IQSEC3: variants seen among roughly 807,000 people sequenced by gnomAD.
IQSEC3 encodes the protein IQ motif and Sec7 domain ArfGEF 3.
Under a neutral mutation model 105.4 loss-of-function variants are expected in IQSEC3, and 50 were observed. That is an observed-to-expected ratio of 0.47 (90% CI 0.38 to 0.60). IQSEC3 has a LOEUF of 0.60. Ranked by LOEUF, IQSEC3 falls within the 20% of genes least tolerant of loss-of-function variation. The pLI is 0.00. For missense variants in IQSEC3, 1,415 were observed against 1,630.0 expected (o/e 0.87, Z 2.27); for synonymous variants, 708 against 746.0 (o/e 0.95, Z 0.83).
intron 1 of IQSEC3, among the ~76,000 whole-genome samples, chr12:69,494 G>A (rs1446197713): frequency 6.6e-6 from 1 of 152,250 alleles, no homozygotes; most frequent in African/African-American, 2.4e-5. Flanking sequence ...TAATTAGCAT[G>A]GTGGAGCAGA....
intron 2 of IQSEC3, among the ~76,000 whole-genome samples, chr12:117,348 G>A (rs1865080185): frequency 6.6e-6 from 1 of 152,226 alleles, no homozygotes; most frequent in Non-Finnish European, 1.5e-5. Context: ...ATTGCCACCA[G>A]AGCCATGCCT....
In IQSEC3 at chr12:152,769, G is replaced by C. The variant is rs781915001; in HGVS notation, c.2154-4256G>C. Among the ~76,000 whole-genome samples the C allele has an allele frequency of 2.6e-5, 4 of 152,202 alleles. No individual in the cohort carries two copies. The highest frequency in any genetic ancestry group is 5.9e-5 in the Non-Finnish European group (4 of 68,038). On this transcript the variant is annotated intron_variant, in intron 5 of 13. Transcript: ENST00000538872. The surrounding 1 kb of genome is among the most constrained non-coding windows in gnomAD (Gnocchi z 4.8). ...GGGAGAGGCCTCACAAGATTAGGAAGCTGAAAGCCTGCTCTCCCTAGCTGT... is the reference window on the plus strand; with the variant it reads ...GGGAGAGGCCTCACAAGATTAGGAACCTGAAAGCCTGCTCTCCCTAGCTGT...
Position 135,766 on chromosome 12 carries a change from AC to A in IQSEC3, c.904-2499del, listed in dbSNP as rs1865743743. Among the ~76,000 whole-genome samples, 5 of 152,328 alleles carry A rather than the reference AC, an allele frequency of 3.3e-5. No homozygotes were observed. In the South Asian group the frequency reaches 8.3e-4, roughly 25 times the overall value. Reference sequence around the variant, plus strand: ...GCCACATGGTAGGGGACAGCAGGCAACCTCTAGTGACTGAGGGCCTAAGTCC... The same window carrying A: ...GCCACATGGTAGGGGACAGCAGGCAACTCTAGTGACTGAGGGCCTAAGTCC... On this transcript the variant is annotated intron_variant, in intron 3 of 13. Transcript: ENST00000538872.
At chr12:102,211 A>C (rs1469148109) in intron 2 of IQSEC3, among the ~76,000 whole-genome samples, 1 of 148,972 alleles carries the variant, frequency 6.7e-6, no homozygotes. Context: ...CTCCCCCATC[A>C]GTCTGGCTCC....
intron 1 of IQSEC3, among the ~76,000 whole-genome samples, chr12:83,687 T>G: frequency 1.1e-5 from 1 of 89,916 alleles, no homozygotes. Flanking sequence ...GGAGAGAGGT[T>G]GATGGGAAGG....
At chr12:126,314 G>T (rs61908628) in intron 3 of IQSEC3, among the ~76,000 whole-genome samples, 18,986 of 152,216 alleles carry the variant, frequency 0.12, 1,391 homozygotes, top group East Asian at 0.24. Context: ...GGCACCCACA[G>T]GCACAAACGA....
rs185500167 is a variant in IQSEC3, at chr12:123,789, A to G, written c.624-1844A>G. On this transcript the variant is annotated intron_variant, in intron 2 of 13. Transcript: ENST00000538872. ...TCATGGTGGCAAAGTCTTGGAAGAC[A>G]TAAGTCCTTAGGTTGCAGCTGTCCT... 1.9e-3 allele frequency among the ~76,000 whole-genome samples: 294 copies of G among 152,112 alleles called. 1 individual carries two copies. The highest frequency in any genetic ancestry group is 1.8e-3 in the Non-Finnish European group (123 of 67,884).
At chr12:71,883 G>A (rs1303692433) in intron 1 of IQSEC3, among the ~76,000 whole-genome samples, 1 of 152,286 alleles carries the variant, frequency 6.6e-6, no homozygotes, top group African/African-American at 2.4e-5. Context: ...CCAGGATGAA[G>A]GCTCACTGGG....
rs1939177819 is a variant in IQSEC3 at position 174,693 on chromosome 12, G to GC, written c.3215dup (p.Arg1073GlufsTer55). ...GTGCCGCCGCCAGACCTGCAGCCTA[G>GC]CCCCCCGAGACAGCAGACCCCACCA... On this transcript the variant is annotated frameshift_variant, in exon 14 of 14. Transcript: ENST00000538872. LOFTEE classifies it high-confidence loss of function. 3 of 1,592,788 alleles carry GC rather than the reference G, an allele frequency of 1.9e-6. No homozygotes were observed. Among genetic ancestry groups the GC allele is most frequent in the Non-Finnish European group, 2.5e-6 (3 of 1,177,444 alleles).
At chr12:120,670 T>C (rs1033182111) in intron 2 of IQSEC3, among the ~76,000 whole-genome samples, 4 of 152,158 alleles carry the variant, frequency 2.6e-5, no homozygotes, top group South Asian at 4.1e-4. Context: ...GTCATTCTGC[T>C]CTTTGGCACA....
At chr12:90,434 T>A (rs553586461) in intron 1 of IQSEC3, among the ~76,000 whole-genome samples, 1 of 152,354 alleles carries the variant, frequency 6.6e-6, no homozygotes, top group South Asian at 2.1e-4. Flanking sequence ...ATCTTCTATA[T>A]TTTCTTTGAG....
intron 8 of IQSEC3, 49 bp from the exon 9 acceptor site, chr12:163,445 G>A: frequency 6.5e-7 from 1 of 1,527,170 alleles, no homozygotes; most frequent in Non-Finnish European, 8.8e-7. Context: ...TGGGTGGGGA[G>A]GCCTCCAGGC....
chr12:82,480 C>G (rs371857341), intron 1 of IQSEC3, among the ~76,000 whole-genome samples: 1 of 152,184 alleles, frequency 6.6e-6, no homozygotes, highest in East Asian at 1.9e-4. Flanking sequence ...AAGGATTGTT[C>G]TTTAAGATGG....
intron 1 of IQSEC3, among the ~76,000 whole-genome samples, chr12:71,196 C>G (rs1863302956): frequency 6.6e-6 from 1 of 152,274 alleles, no homozygotes; most frequent in Admixed American, 6.5e-5. Context: ...CTGATGGGAA[C>G]TGGGATCTCT....
At chr12:84,005 C>T (rs1863837169) in intron 1 of IQSEC3, among the ~76,000 whole-genome samples, 1 of 152,166 alleles carries the variant, frequency 6.6e-6, no homozygotes, top group Non-Finnish European at 1.5e-5. Context: ...GGTGATCCAC[C>T]CAGGGTCACA....
intron 3 of IQSEC3, among the ~76,000 whole-genome samples, chr12:135,721 G>T (rs1865741565): frequency 6.6e-6 from 1 of 152,232 alleles, no homozygotes; most frequent in African/African-American, 2.4e-5. Flanking sequence ...GAAGGACCAA[G>T]CTATCAGGTT....
intron 2 of IQSEC3, among the ~76,000 whole-genome samples, chr12:104,640 C>G (rs966699197): frequency 2.0e-5 from 3 of 152,262 alleles, no homozygotes; most frequent in Admixed American, 6.5e-5. Context: ...ACCCTAACCA[C>G]TTCCTCCCGG....
intron 13 of IQSEC3, among the ~76,000 whole-genome samples, chr12:172,611 T>G (rs1939066993): frequency 6.6e-6 from 1 of 152,160 alleles, no homozygotes; most frequent in East Asian, 1.9e-4. Context: ...GACCCCAGGC[T>G]CTCTCTCCTC....
chr12:69,760 C>T (rs1188309654), intron 1 of IQSEC3, among the ~76,000 whole-genome samples: 3 of 152,270 alleles, frequency 2.0e-5, no homozygotes, highest in African/African-American at 7.2e-5. Context: ...AACTTCAACA[C>T]CAATTTCCCC....
Sources: gnomAD v4.1 joint callset for allele counts (sites outside exome capture counted in the v4.1 genomes callset) on GRCh38, gnomAD v4.1.1 for gene constraint, Gnocchi (gnomAD v3.1) non-coding constraint, MANE v1.5 for transcripts, NCBI Gene and HGNC (gene_info 2026-07-23, HGNC 2026-07-21) for gene names.